The following PABIR3 variants were observed in gnomAD, a reference collection of about 807,000 sequenced individuals.
PABIR3 encodes PABIR family member 1.
In PABIR3, 20 loss-of-function variants were observed where a neutral mutation model predicts 23.1. That is an observed-to-expected ratio of 0.86 (90% CI 0.61 to 1.26). The LOEUF (loss-of-function observed/expected upper bound fraction) is 1.26, where lower values mean the gene tolerates loss of function less well. Ranked by LOEUF, PABIR3 falls within the 50% of genes most tolerant of loss-of-function variation. The probability of loss-of-function intolerance (pLI) is 0.00; values close to 1 mark genes in which losing one functional copy is unlikely to be tolerated. For synonymous variants in PABIR3, 69 were observed against 68.5 expected (o/e 1.01, Z -0.04); for missense variants, 189 against 195.4 (o/e 0.97, Z 0.20).
intron 4 of PABIR3, among the ~76,000 whole-genome samples, chrX:134,839,758 G>A (rs1603236452): frequency 9.5e-6 from 1 of 105,108 alleles, no homozygotes; most frequent in Admixed American, 9.9e-5. Flanking sequence ...CCCCCCGCCC[G>A]GCCAGCCGCC....
At chrX:134,812,190 A>T (rs953465294) in intron 2 of PABIR3, among the ~76,000 whole-genome samples, 5 of 112,416 alleles carry the variant, frequency 4.4e-5, no homozygotes, top group Non-Finnish European at 9.4e-5. Flanking sequence ...ATGTTGAATG[A>T]TGCATACCAG....
chrX:134,851,667 A>T (rs1467186866), intron 9 of PABIR3, among the ~76,000 whole-genome samples: 2 of 112,120 alleles, frequency 1.8e-5, no homozygotes, highest in African/African-American at 6.5e-5. Flanking sequence ...ATTTTCTTTT[A>T]TGAGGAATAT....
At chrX:134,829,098 C>A in intron 3 of PABIR3, 128 bp from the exon 4 acceptor site, 1 of 527,594 alleles carries the variant, frequency 1.9e-6, no homozygotes, top group Non-Finnish European at 3.3e-6. Flanking sequence ...TTGAACCTAA[C>A]TGATACTGTT....
chrX:134,808,239 G>C (rs2080363709), intron 2 of PABIR3: 1 of 294,630 alleles, frequency 3.4e-6, no homozygotes, highest in Non-Finnish European at 5.9e-6. Context: ...GCCCAGGCTG[G>C]AGTGCATTGG....
intron 3 of PABIR3, among the ~76,000 whole-genome samples, chrX:134,823,811 T>C (rs778946958): frequency 2.7e-5 from 3 of 110,735 alleles, no homozygotes; most frequent in Admixed American, 9.9e-5. Context: ...TTTTATAGTA[T>C]GCCTTAAGAA....
intron 3 of PABIR3, chrX:134,822,691 G>A: frequency 1.4e-6 from 1 of 715,634 alleles, no homozygotes; most frequent in African/African-American, 2.3e-5. Flanking sequence ...GCCATACCAT[G>A]TTTTCTCACT....
chrX:134,860,313 T>C, the PABIR3 span, among the ~76,000 whole-genome samples: 1 of 111,828 alleles, frequency 8.9e-6, no homozygotes, highest in Non-Finnish European at 1.9e-5. Flanking sequence ...GGTTTCAAAC[T>C]CCTGGCCTCA....
chrX:134,837,960 CTAAT>C (rs1250568225), intron 4 of PABIR3, among the ~76,000 whole-genome samples: 3 of 112,268 alleles, frequency 2.7e-5, no homozygotes, highest in Non-Finnish European at 3.8e-5. Context: ...TTTTAAAAGA[CTAAT>C]TATCTTCTTA....
intron 4 of PABIR3, among the ~76,000 whole-genome samples, chrX:134,834,606 T>C (rs1482538285): frequency 1.8e-5 from 2 of 112,374 alleles, no homozygotes; most frequent in African/African-American, 6.5e-5. Flanking sequence ...CTGAATGGTA[T>C]TGCCTAGGTT....
intron 3 of PABIR3, 75 bp from the exon 4 acceptor site, chrX:134,829,151 A>G: frequency 1.2e-6 from 1 of 866,726 alleles, no homozygotes; most frequent in Non-Finnish European, 1.7e-6. Flanking sequence ...TAGGTAATTC[A>G]ACATTGACTT....
At chrX:134,809,166 C>CT in intron 2 of PABIR3, 1 of 148,623 alleles carries the variant, frequency 6.7e-6, no homozygotes, top group Non-Finnish European at 1.3e-5. Flanking sequence ...AATCTTGTTT[C>CT]CTTTTTTTTT....
At chrX:134,840,983 A>G (rs1211030962) in intron 4 of PABIR3, among the ~76,000 whole-genome samples, 1 of 110,496 alleles carries the variant, frequency 9.1e-6, no homozygotes, top group African/African-American at 3.3e-5. Flanking sequence ...TTATTGAGAC[A>G]GGGTCTCATA....
At chrX:134,838,141 T>C (rs2082030488) in intron 4 of PABIR3, among the ~76,000 whole-genome samples, 1 of 111,297 alleles carries the variant, frequency 9.0e-6, no homozygotes, top group South Asian at 3.7e-4. Flanking sequence ...CTTCCTTATT[T>C]TTCTACTGTA....
At chrX:134,811,141 G>A (rs1443850439) in intron 2 of PABIR3, 1 of 748,830 alleles carries the variant, frequency 1.3e-6, no homozygotes, top group Non-Finnish European at 1.6e-6. Flanking sequence ...TATCTGCACT[G>A]TTTTATGTAT....
chrX:134,828,633 A>C (rs1326538987), intron 3 of PABIR3, among the ~76,000 whole-genome samples: 3 of 111,895 alleles, frequency 2.7e-5, no homozygotes, highest in Non-Finnish European at 5.6e-5. Flanking sequence ...AGGAAAAAGT[A>C]GCCCCGAAAA....
At chrX:134,833,977 T>C (rs2081893410) in intron 4 of PABIR3, 1 of 112,253 alleles carries the variant, frequency 8.9e-6, no homozygotes, top group Non-Finnish European at 1.9e-5. Flanking sequence ...GCAGTAAACA[T>C]GCGTGTGCAT....
Position 134,812,613 on chromosome X carries a change from C to T in PABIR3, c.111-2158C>T, listed in dbSNP as rs190572853. Reference sequence around the variant, plus strand: ...GTGCGTAGGGAGCTTAAGATAAGTGCGTAGGGAGCTAAATAAAGTGCTAGG... The same window carrying T: ...GTGCGTAGGGAGCTTAAGATAAGTGTGTAGGGAGCTAAATAAAGTGCTAGG... On this transcript the variant is annotated intron_variant, in intron 2 of 10. Transcript: ENST00000645433. 8.1e-5 allele frequency among the ~76,000 whole-genome samples: 9 copies of T among 110,752 alleles called. No individual in the cohort carries two copies. The East Asian group carries it at 2.0e-3, about 24-fold the overall frequency.
downstream of PABIR3, among the ~76,000 whole-genome samples, chrX:134,859,076 T>C (rs895629401): frequency 9.0e-6 from 1 of 111,617 alleles, no homozygotes; most frequent in African/African-American, 3.3e-5. Context: ...TTAGTAAGTA[T>C]AGGAGTCAGG....
intron 3 of PABIR3, among the ~76,000 whole-genome samples, chrX:134,827,031 G>A (rs2081534640): frequency 9.0e-6 from 1 of 111,551 alleles, no homozygotes; most frequent in South Asian, 3.7e-4. Flanking sequence ...CACGATCTCA[G>A]CTCACTGTAA....
Sources: gnomAD v4.1 joint callset for allele counts (sites outside exome capture counted in the v4.1 genomes callset) on GRCh38, gnomAD v4.1.1 for gene constraint, MANE v1.5 for transcripts, NCBI Gene and HGNC (gene_info 2026-07-23, HGNC 2026-07-21) for gene names.